The following FOCAD variants were observed in gnomAD, a reference collection of about 807,000 sequenced individuals.
The protein encoded by FOCAD is focadhesin.
A neutral mutation model predicts 225.6 loss-of-function variants in FOCAD; 198 were observed. The ratio of observed to expected loss-of-function variants is 0.88; its 90% CI spans 0.78 to 0.99. The LOEUF is 0.99. Ranked by LOEUF, FOCAD falls within the 50% of genes least tolerant of loss-of-function variation. FOCAD has a pLI of 0.00. For missense variants in FOCAD, 2,713 were observed against 2,123.6 expected (o/e 1.28, Z -5.46); for synonymous variants, 897 against 755.0 (o/e 1.19, Z -3.08).
chr9:20,697,318 A>C (rs754212992), intron 1 of FOCAD, among the ~76,000 whole-genome samples: 2 of 152,108 alleles, frequency 1.3e-5, no homozygotes, highest in Non-Finnish European at 2.9e-5. Context: ...AGAAGCCACA[A>C]TGATCTTTTT....
chr9:20,932,244 G>T (rs926309037), intron 27 of FOCAD, among the ~76,000 whole-genome samples: 2 of 152,152 alleles, frequency 1.3e-5, no homozygotes, highest in African/African-American at 4.8e-5. Flanking sequence ...AACTGCTATA[G>T]TCTTGGTTTG....
At chr9:20,913,111 T>A (rs1336805787) in intron 23 of FOCAD, among the ~76,000 whole-genome samples, 157 bp downstream of exon 23, 2 of 148,282 alleles carry the variant, frequency 1.3e-5, no homozygotes, top group African/African-American at 5.0e-5. Flanking sequence ...ATTCCCTAGA[T>A]AGGAGATAGA....
chr9:20,975,980 A>G (rs542558910), intron 35 of FOCAD, among the ~76,000 whole-genome samples: 5 of 152,298 alleles, frequency 3.3e-5, no homozygotes, highest in African/African-American at 9.6e-5. Flanking sequence ...AATACGGGGA[A>G]TAAGTTCTGG....
chr9:20,783,453 C>G (rs939994993), intron 10 of FOCAD, among the ~76,000 whole-genome samples: 4 of 152,070 alleles, frequency 2.6e-5, no homozygotes, highest in Non-Finnish European at 5.9e-5. Context: ...GCCCCAAACT[C>G]TTCAAGTCTC....
chr9:20,911,661 GT>G (rs1320040618), intron 22 of FOCAD, among the ~76,000 whole-genome samples: 7 of 152,098 alleles, frequency 4.6e-5, no homozygotes, highest in Non-Finnish European at 1.0e-4. Flanking sequence ...CAAGATATTT[GT>G]TGGCCACTTT....
chr9:20,792,258 A>C (rs769703302), intron 11 of FOCAD, among the ~76,000 whole-genome samples: 3 of 152,204 alleles, frequency 2.0e-5, no homozygotes, highest in Non-Finnish European at 2.9e-5. Flanking sequence ...ACTGAACATC[A>C]ACCACAAAGA....
intron 39 of FOCAD, 23 bp from the exon 40 acceptor site, chr9:20,986,265 A>ATTTTTTTTTTTTTTTTTT (rs762071895): frequency 6.6e-6 from 3 of 457,018 alleles, no homozygotes; most frequent in Non-Finnish European, 8.6e-6. Context: ...GTAACTAAAC[A>ATTTTTTTTTTTTTTTTTT]ATTTTTTTTT....
chr9:20,805,806 A>G (rs972887077), intron 11 of FOCAD, among the ~76,000 whole-genome samples: 12 of 152,192 alleles, frequency 7.9e-5, no homozygotes, highest in African/African-American at 2.7e-4. Flanking sequence ...AGAATAATAC[A>G]TAGATATTTG....
At chr9:20,815,137 G>GTTTTTTTTTTTTTTTTTTTTT (rs71334555) in intron 11 of FOCAD, among the ~76,000 whole-genome samples, 44 of 69,134 alleles carry the variant, frequency 6.4e-4, no homozygotes, top group African/African-American at 2.1e-3. Context: ...TTTTTTTTTT[G>GTTTTTTTTTTTTTTTTTTTTT]TTTTTTTTTT....
intron 35 of FOCAD, among the ~76,000 whole-genome samples, chr9:20,967,739 C>G (rs920446200): frequency 6.6e-6 from 1 of 151,982 alleles, no homozygotes; most frequent in African/African-American, 2.4e-5. Flanking sequence ...GTCCTGCGGG[C>G]TTTTTTCCTT....
chr9:20,702,875 C>T (rs1006459171), intron 1 of FOCAD, among the ~76,000 whole-genome samples: 3 of 152,004 alleles, frequency 2.0e-5, no homozygotes, highest in African/African-American at 7.3e-5. Flanking sequence ...ATTCCAAATT[C>T]TATGTTATGC....
chr9:20,656,534 G>A (rs1270299916), upstream of FOCAD, among the ~76,000 whole-genome samples: 1 of 151,802 alleles, frequency 6.6e-6, no homozygotes, highest in East Asian at 1.9e-4. Flanking sequence ...TTATGTAATG[G>A]CCTTCTTTGT....
intron 5 of FOCAD, among the ~76,000 whole-genome samples, chr9:20,743,031 G>A (rs1827759524): frequency 6.6e-6 from 1 of 152,180 alleles, no homozygotes; most frequent in South Asian, 2.1e-4. Flanking sequence ...GGGGATTGTG[G>A]ATGGCAGAAA....
At chr9:20,908,207 C>G (rs922547029) in intron 22 of FOCAD, among the ~76,000 whole-genome samples, 1 of 152,000 alleles carries the variant, frequency 6.6e-6, no homozygotes, top group African/African-American at 2.4e-5. Context: ...TCCGATGTTA[C>G]TGAAGTAATT....
At chr9:20,739,193 A>T (rs1199136985) in intron 4 of FOCAD, among the ~76,000 whole-genome samples, 2 of 152,244 alleles carry the variant, frequency 1.3e-5, no homozygotes, top group African/African-American at 2.4e-5. Flanking sequence ...CCAAAAATAA[A>T]GTTAACATTG....
chr9:20,787,443 A>G (rs937868006), intron 10 of FOCAD, among the ~76,000 whole-genome samples: 2 of 152,196 alleles, frequency 1.3e-5, no homozygotes, highest in African/African-American at 4.8e-5. Flanking sequence ...TGGCATGGCT[A>G]TCCTGAAGTC....
Position 20,796,897 on chromosome 9 carries a change from A to G in FOCAD, c.1455+7289A>G, listed in dbSNP as rs12348512. On this transcript the variant is annotated intron_variant, in intron 11 of 43. Coordinates refer to ENST00000338382, the MANE Select transcript of FOCAD (RefSeq NM_001375567.1). ...AGACATGAAGTCCTTGCCCATACCT[A>G]TGTACTGAATGGTATTGCCTAGGTT... 7.0e-3 allele frequency among the ~76,000 whole-genome samples: 1,056 copies of G among 151,682 alleles called. 12 individuals carry two copies. The highest frequency in any genetic ancestry group is 0.025 in the African/African-American group (1,024 of 41,306).
At chr9:20,988,490 GCAAAA>G in intron 41 of FOCAD, 61 bp downstream of exon 41, 1 of 691,522 alleles carries the variant, frequency 1.4e-6, no homozygotes, top group Non-Finnish European at 2.1e-6. Context: ...TTAGGTTGGT[GCAAAA>G]GTAATTGCGG....
chr9:20,930,529 G>A (rs1337408807), intron 27 of FOCAD, among the ~76,000 whole-genome samples: 7 of 152,296 alleles, frequency 4.6e-5, no homozygotes, highest in Non-Finnish European at 8.8e-5. Flanking sequence ...GGCAAGAACT[G>A]GTGTTGGTGT....
Sources: allele counts gnomAD v4.1 joint callset (sites outside exome capture counted in the v4.1 genomes callset), GRCh38; gene constraint gnomAD v4.1.1; transcripts MANE v1.5; gene names NCBI Gene and HGNC (gene_info 2026-07-23, HGNC 2026-07-21).